The following GNAO1 variants were observed in gnomAD, a reference collection of about 807,000 sequenced individuals.
GNAO1 encodes G protein subunit alpha o1.
For synonymous variants in GNAO1, 164 were observed against 180.7 expected (o/e 0.91, Z 0.74); for missense variants, 166 against 478.7 (o/e 0.35, Z 6.10).
At chr16:56,266,969 C>T (rs1330792520) in intron 2 of GNAO1, among the ~76,000 whole-genome samples, 1 of 152,200 alleles carries the variant, frequency 6.6e-6, no homozygotes, top group Non-Finnish European at 1.5e-5. Context: ...CCACCGTGTC[C>T]ACATCGTGTG....
intron 3 of GNAO1, among the ~76,000 whole-genome samples, chr16:56,320,295 G>A (rs1242144693): frequency 1.3e-5 from 2 of 152,182 alleles, no homozygotes; most frequent in Admixed American, 6.5e-5. Context: ...AGCCTATGAC[G>A]TGGAGCCGTG....
At chr16:56,253,883 A>G (rs2036822031) in intron 2 of GNAO1, among the ~76,000 whole-genome samples, 1 of 152,232 alleles carries the variant, frequency 6.6e-6, no homozygotes, top group African/African-American at 2.4e-5. Flanking sequence ...TACTTAAAAA[A>G]CAAACAAAAA....
chr16:56,207,914 A>ACCTG (rs2036345659), intron 2 of GNAO1, among the ~76,000 whole-genome samples: 1 of 152,230 alleles, frequency 6.6e-6, no homozygotes, highest in Non-Finnish European at 1.5e-5. Context: ...CTAGGTAAAA[A>ACCTG]AGTAGGACAT....
intron 2 of GNAO1, among the ~76,000 whole-genome samples, chr16:56,244,875 C>T (rs532721838): frequency 1.3e-5 from 2 of 152,310 alleles, no homozygotes; most frequent in South Asian, 4.1e-4. Context: ...AAGGCAAAGG[C>T]CTGTTTCCCA....
rs2037724346 is a variant in GNAO1, at chr16:56,334,763, G to A, written c.499G>A (p.Asp167Asn). The A allele has an allele frequency of 4.3e-6, 7 of 1,613,942 alleles. No individual in the cohort carries two copies. The highest frequency in any genetic ancestry group is 1.3e-5 in the African/African-American group (1 of 75,036). ...CAGCCTGGATCGGATTGGGGCCGCC[G>A]ACTACCAGCCCACCGAGCAGGACAT... ...LDSLDRIGAA[D>N]YQPTEQDILR... The change falls in exon 5 of 9, where the codon GAC becomes AAC. Residue 167 changes from aspartate to asparagine, a missense_variant. Coordinates refer to ENST00000262493, the MANE Select transcript of GNAO1 (RefSeq NM_020988.3).
rs1017141916 is a variant in GNAO1, at chr16:56,356,384, C to A, written c.*310C>A. ...ATATTTCTTTTTCTTGCAAAACAAA[C>A]ATACCCATCTGCACCGACGCCTGCC... is the stretch of plus-strand genomic sequence containing the variant. On this transcript the variant is annotated 3_prime_UTR_variant, in exon 9 of 9. Coordinates refer to ENST00000262493, the MANE Select transcript of GNAO1 (RefSeq NM_020988.3). 1 of 152,616 alleles carries A rather than the reference C, an allele frequency of 6.6e-6. No homozygotes were observed. Among genetic ancestry groups the A allele is most frequent in the Non-Finnish European group, 1.5e-5 (1 of 68,046 alleles). 9.5% of individuals were successfully genotyped at this position (152,616 alleles called of 1,614,324 possible).
chr16:56,276,784 C>T (rs925487841), intron 3 of GNAO1: 1 of 152,118 alleles, frequency 6.6e-6, no homozygotes, highest in Non-Finnish European at 1.5e-5. Flanking sequence ...AGAAAATAGC[C>T]TCAGAATTCT....
chr16:56,194,866 G>T (rs938036969), intron 2 of GNAO1, among the ~76,000 whole-genome samples: 2 of 152,204 alleles, frequency 1.3e-5, no homozygotes, highest in African/African-American at 4.8e-5. Flanking sequence ...TGAGCTCTCT[G>T]AGGAAATAGG....
intron 3 of GNAO1, among the ~76,000 whole-genome samples, chr16:56,278,452 C>T (rs1412611461): frequency 2.6e-5 from 4 of 152,144 alleles, no homozygotes; most frequent in Admixed American, 6.5e-5. Context: ...AAGGCGTTCC[C>T]GGGAGTGGGC....
intron 3 of GNAO1, chr16:56,300,830 T>C (rs1281688182): frequency 1.3e-5 from 2 of 152,256 alleles, no homozygotes; most frequent in Non-Finnish European, 2.9e-5. Flanking sequence ...TCCTGAGTTT[T>C]CTCAGATTCC....
intron 3 of GNAO1, among the ~76,000 whole-genome samples, chr16:56,278,379 C>T (rs1439627027): frequency 1.3e-5 from 2 of 152,208 alleles, no homozygotes; most frequent in Non-Finnish European, 2.9e-5. Flanking sequence ...TATTCTTACA[C>T]CTGTGAGGAG....
intron 2 of GNAO1, among the ~76,000 whole-genome samples, chr16:56,263,062 G>A (rs2036918285): frequency 6.6e-6 from 1 of 152,244 alleles, no homozygotes; most frequent in African/African-American, 2.4e-5. Context: ...AGGGTTGAAG[G>A]AGGGGAACCC....
intron 3 of GNAO1, among the ~76,000 whole-genome samples, chr16:56,290,482 G>T (rs982194843): frequency 9.2e-5 from 14 of 152,158 alleles, no homozygotes; most frequent in African/African-American, 3.4e-4. Context: ...TTTCTGTATG[G>T]CCCCTTGTAA....
At chr16:56,348,024 G>A (rs1305361225) in intron 6 of GNAO1, 13 of 980,592 alleles carry the variant, frequency 1.3e-5, no homozygotes, top group East Asian at 1.1e-4. Context: ...CGTCTCTCTC[G>A]AGTGCAGTGG....
At chr16:56,272,867 G>T (rs2037030577) in intron 2 of GNAO1, among the ~76,000 whole-genome samples, 1 of 152,164 alleles carries the variant, frequency 6.6e-6, no homozygotes, top group South Asian at 2.1e-4. Context: ...AGGGTCTGCT[G>T]GTCCCAAATG....
chr16:56,336,405 CGAG>C (rs1321757565), intron 5 of GNAO1: 2 of 246,208 alleles, frequency 8.1e-6, no homozygotes, highest in Non-Finnish European at 1.6e-5. Flanking sequence ...GGTCCTCATG[CGAG>C]GAGGACTCTC....
chr16:56,320,760 G>A (rs1596863102), intron 3 of GNAO1, among the ~76,000 whole-genome samples: 2 of 152,148 alleles, frequency 1.3e-5, no homozygotes, highest in Non-Finnish European at 2.9e-5. Flanking sequence ...ATGCAGTCAG[G>A]TTTTCCCTCA....
At position 56,311,300 on chromosome 16, in the gene GNAO1, C is replaced by G. The variant is rs1256510138; in HGVS notation, c.304-17331C>G. 6.6e-6 allele frequency among the ~76,000 whole-genome samples: 1 copy of G among 152,030 alleles called. No individual in the cohort carries two copies. Among genetic ancestry groups the G allele is most frequent in the Admixed American group, 6.5e-5 (1 of 15,280 alleles). On this transcript the variant is annotated intron_variant, in intron 3 of 8. Coordinates refer to ENST00000262493, the MANE Select transcript of GNAO1 (RefSeq NM_020988.3). The surrounding 1 kb of genome is among the most constrained non-coding windows in gnomAD (Gnocchi z 5.2). ...GTGGCATTTGGTGGCCCTGTAGTTT[C>G]AGAGAGTGAGTGCCAACCTGAGCTG...
At chr16:56,291,605 C>A (rs549993952) in intron 3 of GNAO1, among the ~76,000 whole-genome samples, 1 of 152,324 alleles carries the variant, frequency 6.6e-6, no homozygotes, top group African/African-American at 2.4e-5. Context: ...TCTGCCCTTG[C>A]CTCTGCCCCC....
Sources: gnomAD v4.1 joint callset for allele counts (sites outside exome capture counted in the v4.1 genomes callset) on GRCh38, gnomAD v4.1.1 for gene constraint, Gnocchi (gnomAD v3.1) non-coding constraint, MANE v1.5 for transcripts, NCBI Gene and HGNC (gene_info 2026-07-23, HGNC 2026-07-21) for gene names.